The following SPSB1 variants were observed in gnomAD, a reference collection of about 807,000 sequenced individuals.
SPSB1 encodes SPRY domain-containing SOCS box protein 1.
Under a neutral mutation model 21.2 loss-of-function variants are expected in SPSB1, and 8 were observed. That is an observed-to-expected ratio of 0.38 (90% CI 0.22 to 0.68). SPSB1 has a LOEUF of 0.68. Among genes scored for constraint, SPSB1 ranks in the 30% least tolerant of loss-of-function variants. The pLI is 0.53. For synonymous variants in SPSB1, 169 were observed against 161.7 expected, an observed-to-expected ratio of 1.05 and a Z score of -0.34; for missense variants, 242 against 377.8, an observed-to-expected ratio of 0.64 and a Z score of 2.98.
chr1:9,360,023 A>G (rs1208198245), intron 2 of SPSB1, among the ~76,000 whole-genome samples: 2 of 151,986 alleles, frequency 1.3e-5, no homozygotes, highest in African/African-American at 4.8e-5. Context: ...AGCAGGTGTT[A>G]AATTTGAGAC....
chr1:9,303,235 G>A (rs1639363073), intron 1 of SPSB1, among the ~76,000 whole-genome samples: 1 of 152,194 alleles, frequency 6.6e-6, no homozygotes, highest in Non-Finnish European at 1.5e-5. Flanking sequence ...AAGTCAATGG[G>A]AAATTACAAG....
chr1:9,344,884 A>T (rs1640146003), intron 1 of SPSB1, among the ~76,000 whole-genome samples: 1 of 152,098 alleles, frequency 6.6e-6, no homozygotes, highest in Non-Finnish European at 1.5e-5. Context: ...AGGGTGACCC[A>T]AGGACCACTC....
intron 2 of SPSB1, among the ~76,000 whole-genome samples, chr1:9,359,313 G>A (rs1480374660): frequency 6.6e-6 from 1 of 152,224 alleles, no homozygotes; most frequent in African/African-American, 2.4e-5. Context: ...CTGCAGCGTG[G>A]TGATAGGGTG....
In SPSB1 at chr1:9,294,335, A is replaced by G. The variant is rs112439407; in HGVS notation, c.-150+1264A>G. 8.5e-5 allele frequency among the ~76,000 whole-genome samples: 12 copies of G among 141,676 alleles called. 1 individual carries two copies. The highest frequency in any genetic ancestry group is 3.2e-4 in the African/African-American group (12 of 38,084). 92.9% of individuals were successfully genotyped at this position (141,676 alleles called of 152,430 possible). A position where few individuals can be genotyped will look rare whatever the true frequency, so the allele number is the denominator to read the frequency against. ...ATGTGTGAGTGTCTGTGTGTCTCCA[A>G]GTGTGTGTCTGTGTGTCTTTGTGTG... On this transcript the variant is annotated intron_variant, in intron 1 of 2. Transcript: ENST00000328089.
chr1:9,358,189 C>T (rs910005762), intron 2 of SPSB1, among the ~76,000 whole-genome samples: 4 of 152,182 alleles, frequency 2.6e-5, no homozygotes, highest in South Asian at 2.1e-4. Context: ...GTTAGGCATG[C>T]GCAAACGCTT....
intron 1 of SPSB1, among the ~76,000 whole-genome samples, chr1:9,323,782 C>T (rs541662106): frequency 7.2e-5 from 11 of 152,274 alleles, no homozygotes; most frequent in African/African-American, 2.4e-4. Flanking sequence ...TGTCATTTTG[C>T]TGCTAGTTTC....
At chr1:9,365,112 C>T (rs900950164) in intron 2 of SPSB1, among the ~76,000 whole-genome samples, 1 of 152,230 alleles carries the variant, frequency 6.6e-6, no homozygotes, top group Non-Finnish European at 1.5e-5. Context: ...CGGCCTCGGC[C>T]TCCCGAAGTG....
intron 2 of SPSB1, among the ~76,000 whole-genome samples, chr1:9,365,546 A>G (rs1054075450): frequency 6.7e-6 from 1 of 150,054 alleles, no homozygotes; most frequent in East Asian, 2.0e-4. Context: ...TAAAGTATCC[A>G]ATTCAGTGGC....
chr1:9,338,326 G>A (rs923309023), intron 1 of SPSB1, among the ~76,000 whole-genome samples: 8 of 152,192 alleles, frequency 5.3e-5, no homozygotes, highest in African/African-American at 1.9e-4. Context: ...TCCCCAGGGA[G>A]GAGGTTCGTG....
intron 1 of SPSB1, among the ~76,000 whole-genome samples, chr1:9,311,848 G>A (rs1040546457): frequency 6.6e-6 from 1 of 152,112 alleles, no homozygotes; most frequent in Non-Finnish European, 1.5e-5. Flanking sequence ...AATTTTCTTG[G>A]TGGCACTGAG....
intron 1 of SPSB1, among the ~76,000 whole-genome samples, chr1:9,338,730 C>T (rs1640043228): frequency 6.6e-6 from 1 of 152,196 alleles, no homozygotes; most frequent in Admixed American, 6.5e-5. Flanking sequence ...TCTGAGGGGG[C>T]GTCACCTCCC....
At chr1:9,323,974 G>A (rs927856887) in intron 1 of SPSB1, among the ~76,000 whole-genome samples, 1 of 152,182 alleles carries the variant, frequency 6.6e-6, no homozygotes, top group Non-Finnish European at 1.5e-5. Flanking sequence ...CAGACCCGGA[G>A]GAGGTGGGCC....
intron 2 of SPSB1, among the ~76,000 whole-genome samples, chr1:9,361,165 T>TTTTTTTTTTTTTC (rs1640470141): frequency 7.8e-5 from 11 of 140,210 alleles, no homozygotes; most frequent in African/African-American, 8.1e-5. Flanking sequence ...TCTTTTTTTT[T>TTTTTTTTTTTTTC]TTTTTTTTTT....
intron 1 of SPSB1, among the ~76,000 whole-genome samples, chr1:9,355,267 G>C (rs1481861277): frequency 1.3e-5 from 2 of 152,236 alleles, no homozygotes; most frequent in East Asian, 3.9e-4. Context: ...GGGAGGAGGA[G>C]CTGGGATTGG....
At chr1:9,365,636 C>T (rs549384531) in intron 2 of SPSB1, among the ~76,000 whole-genome samples, 80 of 152,310 alleles carry the variant, frequency 5.3e-4, no homozygotes, top group Admixed American at 1.0e-3. Context: ...CATAAGCAGC[C>T]TCTCTCCATT....
At chr1:9,330,260 G>A (rs1557455047) in intron 1 of SPSB1, among the ~76,000 whole-genome samples, 1 of 152,164 alleles carries the variant, frequency 6.6e-6, no homozygotes, top group South Asian at 2.1e-4. Context: ...CTGAGGTCAG[G>A]AGTTTGAGAC....
At chr1:9,336,107 G>A (rs1483542382) in intron 1 of SPSB1, among the ~76,000 whole-genome samples, 3 of 152,194 alleles carry the variant, frequency 2.0e-5, no homozygotes, top group Non-Finnish European at 4.4e-5. Flanking sequence ...TATTGTTCTC[G>A]TCTCTGTAGG....
chr1:9,334,138 T>C (rs904491622), intron 1 of SPSB1, among the ~76,000 whole-genome samples: 18 of 152,092 alleles, frequency 1.2e-4, no homozygotes, highest in Non-Finnish European at 2.6e-4. Context: ...CAGGCTGGAG[T>C]GCGGTGGTGC....
chr1:9,350,597 G>A (rs1203495022), intron 1 of SPSB1, among the ~76,000 whole-genome samples: 1 of 152,210 alleles, frequency 6.6e-6, no homozygotes, highest in Admixed American at 6.5e-5. Context: ...TGTGCATGTA[G>A]GCATGCGTGC....
Sources: allele counts gnomAD v4.1 joint callset (sites outside exome capture counted in the v4.1 genomes callset), GRCh38; gene constraint gnomAD v4.1.1; transcripts MANE v1.5; gene names NCBI Gene and HGNC (gene_info 2026-07-23, HGNC 2026-07-21).